The following PMEPA1 variants were observed in gnomAD, a reference collection of about 807,000 sequenced individuals.
PMEPA1 encodes the protein prostate transmembrane protein, androgen induced 1.
In PMEPA1, 11 loss-of-function variants were observed where a neutral mutation model predicts 23.0. The ratio of observed to expected loss-of-function variants is 0.48; its 90% CI spans 0.30 to 0.79. PMEPA1 has a LOEUF of 0.79. Among genes scored for constraint, PMEPA1 ranks in the 30% least tolerant of loss-of-function variants. The probability of loss-of-function intolerance (pLI) is 0.06; values close to 1 mark genes in which losing one functional copy is unlikely to be tolerated. For missense variants in PMEPA1, 377 were observed against 390.9 expected, an observed-to-expected ratio of 0.96 and a Z score of 0.30; for synonymous variants, 204 against 166.4, an observed-to-expected ratio of 1.23 and a Z score of -1.74.
chr20:57,692,386 T>A (rs1393770735), intron 1 of PMEPA1, among the ~76,000 whole-genome samples: 2 of 152,212 alleles, frequency 1.3e-5, no homozygotes, highest in African/African-American at 4.8e-5. Context: ...TGGGGGCAGG[T>A]GAGCAATGGT....
intron 1 of PMEPA1, among the ~76,000 whole-genome samples, chr20:57,697,322 C>G (rs1393401155): frequency 6.6e-6 from 1 of 152,224 alleles, no homozygotes; most frequent in Non-Finnish European, 1.5e-5. Context: ...AGTACCACCT[C>G]GGTGAGGATC....
chr20:57,701,640 G>C (rs1211698456), intron 1 of PMEPA1, among the ~76,000 whole-genome samples: 1 of 152,126 alleles, frequency 6.6e-6, no homozygotes, highest in Non-Finnish European at 1.5e-5. Flanking sequence ...ATCACATTTT[G>C]TACCAGAGGT....
Position 57,682,993 on chromosome 20 carries a change from G to T in PMEPA1, c.110-23296C>A, listed in dbSNP as rs2071741047. 6.6e-6 allele frequency among the ~76,000 whole-genome samples: 1 copy of T among 152,128 alleles called. No individual in the cohort carries two copies. The highest frequency in any genetic ancestry group is 2.1e-4 in the South Asian group (1 of 4,826). ...CCAACTCTTCAGAAAAGGAGAAGAA[G>T]AAGAAAAAAGAGTCCAAGCCTCCCA... On this transcript the variant is annotated intron_variant, in intron 1 of 3. Transcript: ENST00000341744. This position sits in a 1 kb window ranked among gnomAD's most constrained non-coding sequence, Gnocchi z 4.4.
chr20:57,681,511 T>C (rs2071713608), intron 1 of PMEPA1, among the ~76,000 whole-genome samples: 1 of 152,118 alleles, frequency 6.6e-6, no homozygotes. Context: ...CTTACAAGGG[T>C]GGTCCCAGCA....
chr20:57,664,652 C>T (rs73302950), intron 1 of PMEPA1, among the ~76,000 whole-genome samples: 5 of 152,306 alleles, frequency 3.3e-5, no homozygotes, highest in Non-Finnish European at 5.9e-5. Flanking sequence ...AGATGCCTCG[C>T]GGGCAAGGGA....
chr20:57,691,476 G>A lies in PMEPA1; in HGVS notation c.109+17998C>T, dbSNP rs537854455. On this transcript the variant is annotated intron_variant, in intron 1 of 3. Coordinates refer to ENST00000341744, the MANE Select transcript of PMEPA1 (RefSeq NM_020182.5). ...AGTCTCTGGGCTGGTCTAGGAGGGC[G>A]AAGGTGTCCAGGCTATAGCAGCCCC... Among the ~76,000 whole-genome samples, 75 of 152,284 alleles carry A rather than the reference G, an allele frequency of 4.9e-4. 1 individual carries two copies. The highest frequency in any genetic ancestry group is 2.9e-3 in the South Asian group (14 of 4,814).
intron 1 of PMEPA1, among the ~76,000 whole-genome samples, chr20:57,685,388 C>T (rs2071787363): frequency 6.6e-6 from 1 of 152,198 alleles, no homozygotes; most frequent in South Asian, 2.1e-4. Flanking sequence ...TCAACCTTGT[C>T]AGATCTCTCT....
At chr20:57,689,479 C>A (rs1336049242) in intron 1 of PMEPA1, among the ~76,000 whole-genome samples, 2 of 152,308 alleles carry the variant, frequency 1.3e-5, no homozygotes, top group East Asian at 3.9e-4. Flanking sequence ...AGACACCACC[C>A]CGTTCCTCCT....
chr20:57,701,431 G>A (rs1192910298), intron 1 of PMEPA1, among the ~76,000 whole-genome samples: 3 of 152,312 alleles, frequency 2.0e-5, no homozygotes, highest in South Asian at 2.1e-4. Context: ...CTGGCAATGC[G>A]TTTTTGCCAT....
chr20:57,708,305 G>C (rs977423196), intron 1 of PMEPA1, among the ~76,000 whole-genome samples: 2 of 152,210 alleles, frequency 1.3e-5, no homozygotes, highest in Non-Finnish European at 2.9e-5. Context: ...GGTGGGGATG[G>C]GGAAACTAAA....
chr20:57,658,738 G>C (rs2071362607), intron 2 of PMEPA1, among the ~76,000 whole-genome samples: 1 of 152,166 alleles, frequency 6.6e-6, no homozygotes, highest in South Asian at 2.1e-4. Flanking sequence ...CCGGGACCTG[G>C]TGTCCTGTTG....
chr20:57,672,985 G>C (rs1251468885), intron 1 of PMEPA1, among the ~76,000 whole-genome samples: 1 of 152,180 alleles, frequency 6.6e-6, no homozygotes, highest in Non-Finnish European at 1.5e-5. Context: ...GAGCCATAAA[G>C]TACAATGAAC....
At chr20:57,691,642 G>C (rs539864809) in intron 1 of PMEPA1, among the ~76,000 whole-genome samples, 7 of 152,234 alleles carry the variant, frequency 4.6e-5, no homozygotes, top group African/African-American at 1.7e-4. Flanking sequence ...GCTGTTGAGG[G>C]TTACACAGGT....
intron 1 of PMEPA1, among the ~76,000 whole-genome samples, chr20:57,687,197 T>C (rs915521271): frequency 6.6e-6 from 1 of 152,226 alleles, no homozygotes; most frequent in Admixed American, 6.5e-5. Flanking sequence ...TGTGGAGCAA[T>C]GTTCTTTTTC....
intron 1 of PMEPA1, among the ~76,000 whole-genome samples, chr20:57,708,836 C>T (rs914510364): frequency 6.6e-6 from 1 of 152,074 alleles, no homozygotes; most frequent in African/African-American, 2.4e-5. Flanking sequence ...AAAGGCACCC[C>T]GGCCCGGACA....
chr20:57,656,681 C>T lies in PMEPA1; in HGVS notation c.264+2862G>A, dbSNP rs1205971169. Among the ~76,000 whole-genome samples the T allele has an allele frequency of 6.6e-6, 1 of 152,116 alleles. No homozygotes were observed. Among genetic ancestry groups the T allele is most frequent in the Admixed American group, 6.5e-5 (1 of 15,286 alleles). On this transcript the variant is annotated intron_variant, in intron 2 of 3. Transcript: ENST00000341744. The surrounding 1 kb of genome is among the most constrained non-coding windows in gnomAD (Gnocchi z 4.7). ...CCAGTGTCACACAACAAGGAGGTGACAAGGCCGAGAAAAGACCTCAGAGCT... is the reference window on the plus strand; with the variant it reads ...CCAGTGTCACACAACAAGGAGGTGATAAGGCCGAGAAAAGACCTCAGAGCT...
intron 2 of PMEPA1, among the ~76,000 whole-genome samples, chr20:57,657,761 G>C (rs2071348331): frequency 6.6e-6 from 1 of 152,246 alleles, no homozygotes; most frequent in Non-Finnish European, 1.5e-5. Context: ...TGGCCAACAG[G>C]CTTCTCAGCT....
In PMEPA1 at chr20:57,651,813, C is replaced by T. The variant is rs1467165773; in HGVS notation, c.*240G>A. 5.5e-6 allele frequency: 2 copies of T among 365,520 alleles called. No individual in the cohort carries two copies. Among genetic ancestry groups the T allele is most frequent in the Admixed American group, 4.6e-5 (1 of 21,620 alleles). 22.6% of individuals were successfully genotyped at this position (365,520 alleles called of 1,614,324 possible). A position where few individuals can be genotyped will look rare whatever the true frequency, so the allele number is the denominator to read the frequency against. ...AATTTTTTTTCTTTTGCCTTCAAGA[C>T]ACAGCTCAACAAAGAAACGTGGTTT... On this transcript the variant is annotated 3_prime_UTR_variant, in exon 4 of 4. Coordinates refer to ENST00000341744, the MANE Select transcript of PMEPA1 (RefSeq NM_020182.5).
chr20:57,659,568 C>T lies in PMEPA1; in HGVS notation c.239G>A (p.Arg80Gln), dbSNP rs151173443. 1,398 of 1,613,938 alleles carry T rather than the reference C, an allele frequency of 8.7e-4. 10 individuals are homozygous for T. Among genetic ancestry groups the T allele is most frequent in the Non-Finnish European group, 2.3e-4 (272 of 1,179,956 alleles). ...RSFISRHSQG[R>Q]RREDALSSEG... ...TGAGGACAGGGCATCTTCTCTCCTC[C>T]GCCCCTGGCTGTGCCGGCTGATGAA... The change falls in exon 2 of 4, where the codon CGG becomes CAG. Residue 80 changes from arginine to glutamine, a missense_variant. Transcript: ENST00000341744.
Sources: gnomAD v4.1 joint callset for allele counts (sites outside exome capture counted in the v4.1 genomes callset) on GRCh38, gnomAD v4.1.1 for gene constraint, Gnocchi (gnomAD v3.1) non-coding constraint, MANE v1.5 for transcripts, NCBI Gene and HGNC (gene_info 2026-07-23, HGNC 2026-07-21) for gene names.